Variants in COG1 observed in about 807,000 individuals in gnomAD.
The protein encoded by COG1 is conserved oligomeric Golgi complex subunit 1.
Under a neutral mutation model 102.2 loss-of-function variants are expected in COG1, and 61 were observed. That is an observed-to-expected ratio of 0.60 (90% CI 0.49 to 0.74). COG1 has a LOEUF of 0.74. Among genes scored for constraint, COG1 ranks in the 30% least tolerant of loss-of-function variants. COG1 has a pLI of 0.00. For missense variants in COG1, 1,164 were observed against 1,232.1 expected (o/e 0.94, Z 0.83); for synonymous variants, 454 against 493.6 (o/e 0.92, Z 1.06).
At chr17:73,205,392 A>C in intron 9 of COG1, 161 bp from the exon 10 acceptor site, 1 of 755,908 alleles carries the variant, frequency 1.3e-6, no homozygotes, top group Non-Finnish European at 2.3e-6. Flanking sequence ...TTTCTAACAA[A>C]ATTTGTTTTG....
At chr17:73,194,620 T>A (rs1371566172) in intron 1 of COG1, among the ~76,000 whole-genome samples, 8 of 151,778 alleles carry the variant, frequency 5.3e-5, no homozygotes, top group Non-Finnish European at 8.8e-5. Flanking sequence ...CCTGCCACCA[T>A]GTCCGACTAA....
chr17:73,202,029 G>A (rs1292514857), intron 7 of COG1, 129 bp downstream of exon 7: 18 of 1,066,216 alleles, frequency 1.7e-5, no homozygotes, highest in Non-Finnish European at 2.2e-5. Flanking sequence ...CTTTATCTCT[G>A]CCAGAAAGTT....
chr17:73,208,486 C>T lies in COG1; in HGVS notation c.*35C>T, dbSNP rs753034754. 21 of 1,605,930 alleles carry T rather than the reference C, an allele frequency of 1.3e-5. No individual in the cohort carries two copies. The highest frequency in any genetic ancestry group is 1.8e-5 in the Non-Finnish European group (21 of 1,173,484). ...ACATCTGTCTCTCCCTAAATAAATA[C>T]TACCACATTATTTCTTCTAAAGGTG... On this transcript the variant is annotated 3_prime_UTR_variant, in exon 14 of 14. Coordinates refer to ENST00000299886, the MANE Select transcript of COG1 (RefSeq NM_018714.3).
At chr17:73,202,846 G>T in intron 7 of COG1, 154 bp from the exon 8 acceptor site, 2 of 800,968 alleles carry the variant, frequency 2.5e-6, no homozygotes, top group South Asian at 2.8e-5. Flanking sequence ...TCCCATGGCT[G>T]ATATCATTGA....
At position 73,200,703 on chromosome 17, in the gene COG1, G is replaced by A; in HGVS notation, c.1208G>A (p.Cys403Tyr). The A allele has an allele frequency of 6.2e-7, 1 of 1,614,174 alleles. No homozygotes were observed. Among genetic ancestry groups the A allele is most frequent in the Non-Finnish European group, 8.5e-7 (1 of 1,179,998 alleles). ...ACCAATCACAGCTGGGATGTGCTAT[G>A]TCGGCGGCTTCTGGAGAAGCCGCTC... ...ESTNHSWDVL[C>Y]RRLLEKPLLF... The change falls in exon 6 of 14, where the codon TGT becomes TAT. Residue 403 changes from cysteine to tyrosine, a missense_variant. Physicochemically the swap from Cys to Tyr is radical, Grantham distance 194. Coordinates refer to ENST00000299886, the MANE Select transcript of COG1 (RefSeq NM_018714.3).
chr17:73,200,019 C>T lies in COG1; in HGVS notation c.1068C>T (p.His356=), dbSNP rs1198026425. Reference sequence around the variant, plus strand: ...AAGACACGCTGCAGAAATGGATCCACATGTAAGTAACCAGAAAGAGCTTCC... The same window carrying T: ...AAGACACGCTGCAGAAATGGATCCATATGTAAGTAACCAGAAAGAGCTTCC... ...YLKDTLQKWI[H]MCNEDIKNGI... Residue 356 remains histidine (H), a splice_region_variant and synonymous_variant, in exon 5 of 14, where the codon CAC becomes CAT. Transcript: ENST00000299886. 1 of 1,610,876 alleles carries T rather than the reference C, an allele frequency of 6.2e-7. No homozygotes were observed. Among genetic ancestry groups the T allele is most frequent in the African/African-American group, 1.3e-5 (1 of 74,898 alleles).
chr17:73,207,454 G>A, intron 13 of COG1, 198 bp downstream of exon 13: 3 of 699,096 alleles, frequency 4.3e-6, no homozygotes, highest in South Asian at 1.5e-5. Flanking sequence ...GATGCCCGCT[G>A]ACACTACCAA....
chr17:73,204,628 CG>C (rs1248496716), intron 9 of COG1, among the ~76,000 whole-genome samples: 1 of 145,820 alleles, frequency 6.9e-6, no homozygotes, highest in Non-Finnish European at 1.5e-5. Context: ...GGCACCATCT[CG>C]GCTCACTGCA....
chr17:73,196,411 T>A, intron 1 of COG1, 96 bp from the exon 2 acceptor site: 1 of 1,585,610 alleles, frequency 6.3e-7, no homozygotes, highest in Non-Finnish European at 8.6e-7. Flanking sequence ...AGAAGTTTTG[T>A]ATCCTTAAAT....
intron 13 of COG1, chr17:73,207,654 T>A (rs768020481): frequency 2.2e-5 from 28 of 1,290,108 alleles, no homozygotes; most frequent in Non-Finnish European, 2.8e-5. Context: ...AGAAAATTTG[T>A]TTCCCCAAAA....
chr17:73,206,599 A>AAAT (rs1164569396), intron 11 of COG1, 109 bp from the exon 12 acceptor site: 12 of 791,858 alleles, frequency 1.5e-5, no homozygotes, highest in Non-Finnish European at 2.6e-5. Flanking sequence ...ACATTCCCCA[A>AAAT]AATGACAGTT....
intron 1 of COG1, among the ~76,000 whole-genome samples, chr17:73,195,328 T>C (rs934812585): frequency 6.6e-6 from 1 of 152,032 alleles, no homozygotes; most frequent in Non-Finnish European, 1.5e-5. Context: ...TGTAAAAAAA[T>C]TTAGAATAAC....
chr17:73,206,882 GA>G, intron 12 of COG1, 65 bp downstream of exon 12: 4 of 1,139,728 alleles, frequency 3.5e-6, no homozygotes, highest in Non-Finnish European at 5.3e-6. Context: ...ATCACGTCAG[GA>G]GATCGAGACC....
At chr17:73,196,854 C>G (rs369756462) in intron 2 of COG1, 46 bp from the exon 3 acceptor site, 32 of 1,613,574 alleles carry the variant, frequency 2.0e-5, no homozygotes, top group African/African-American at 2.7e-5. Context: ...GCTCTTTACC[C>G]AAGATGTGAA....
At chr17:73,197,562 A>T (rs552481682) in intron 4 of COG1, among the ~76,000 whole-genome samples, 166 bp downstream of exon 4, 1 of 152,372 alleles carries the variant, frequency 6.6e-6, no homozygotes, top group Non-Finnish European at 1.5e-5. Flanking sequence ...AGAAGCAGGT[A>T]TCAGACTCAC....
rs1334180988 is a variant in COG1, at chr17:73,202,922, A to G, written c.2074-78A>G. The G allele has an allele frequency of 2.0e-6, 3 of 1,499,956 alleles. No homozygotes were observed. The East Asian group carries it at 6.8e-5, about 34-fold the overall frequency. 92.9% of individuals were successfully genotyped at this position (1,499,956 alleles called of 1,614,324 possible). A position where few individuals can be genotyped will look rare whatever the true frequency, so the allele number is the denominator to read the frequency against. On this transcript the variant is annotated intron_variant, in intron 7 of 13. Transcript: ENST00000299886. Reference sequence around the variant, plus strand: ...AACTTCAGCAGCTTGAGCTGTTCTCAGGATTACACAGATTGTTTTAAAGAA... The same window carrying G: ...AACTTCAGCAGCTTGAGCTGTTCTCGGGATTACACAGATTGTTTTAAAGAA...
intron 4 of COG1, among the ~76,000 whole-genome samples, chr17:73,198,200 G>A (rs1256011608): frequency 1.3e-5 from 2 of 152,056 alleles, no homozygotes; most frequent in African/African-American, 2.4e-5. Flanking sequence ...ATGTTCGGAC[G>A]TCTGTTTAGG....
Position 73,205,990 on chromosome 17 carries a change from C to T in COG1, c.2511-164C>T, listed in dbSNP as rs566072076. ...GAAAGGGTGGACTTCACTTAGACAT[C>T]ATGCTTGAGGGTGACTTAAGCACTA... On this transcript the variant is annotated intron_variant, in intron 10 of 13. Coordinates refer to ENST00000299886, the MANE Select transcript of COG1 (RefSeq NM_018714.3). 7.0e-6 allele frequency: 5 copies of T among 712,834 alleles called. No individual in the cohort carries two copies. In the Admixed American group the frequency reaches 1.0e-4, roughly 15 times the overall value. The allele number at this position is 712,834 out of a possible 1,614,324, so 44.2% of individuals were successfully genotyped here. A position where few individuals can be genotyped will look rare whatever the true frequency, so the allele number is the denominator to read the frequency against.
chr17:73,206,023 T>C (rs1377495591), intron 10 of COG1, 131 bp from the exon 11 acceptor site: 1 of 789,662 alleles, frequency 1.3e-6, no homozygotes, highest in African/African-American at 1.7e-5. Context: ...CTATCATCAG[T>C]GACAAACGTA....
Sources: gnomAD v4.1 joint callset for allele counts (sites outside exome capture counted in the v4.1 genomes callset) on GRCh38, gnomAD v4.1.1 for gene constraint, MANE v1.5 for transcripts, NCBI Gene and HGNC (gene_info 2026-07-23, HGNC 2026-07-21) for gene names.